The following BPIFB4 variants were observed in gnomAD, a reference collection of about 807,000 sequenced individuals.
The protein encoded by BPIFB4 is BPI fold-containing family B member 4.
In BPIFB4, 62 loss-of-function variants were observed where a neutral mutation model predicts 69.2. The ratio of observed to expected loss-of-function variants is 0.90; its 90% CI spans 0.73 to 1.11. The LOEUF (loss-of-function observed/expected upper bound fraction) is 1.11. Ranked by LOEUF, BPIFB4 falls within the 50% of genes least tolerant of loss-of-function variation. The pLI is 0.00. For synonymous variants in BPIFB4, 330 were observed against 332.7 expected (o/e 0.99, Z 0.09); for missense variants, 789 against 792.0 (o/e 1.00, Z 0.04).
At position 33,083,484 on chromosome 20, in the gene BPIFB4, C is replaced by T. The variant is rs781449221; in HGVS notation, c.287C>T (p.Thr96Ile). Residue 96 changes from threonine (T) to isoleucine (I), a missense_variant, in exon 5 of 18, where the codon ACT becomes ATT. By Grantham distance (89) the Thr-to-Ile change is moderately conservative (BLOSUM62 -1). Coordinates refer to ENST00000375483, the MANE Select transcript of BPIFB4 (RefSeq NM_182519.3). ...GGTCACATTGAGACCAACGACAACA[C>T]TGCTCAGCTGGGGGGCAAATACCGA... is the stretch of plus-strand genomic sequence containing the variant. ...QYGHIETNDN[T>I]AQLGGKYRYG... The T allele has an allele frequency of 3.1e-6, 5 of 1,613,816 alleles. No homozygotes were observed. Among genetic ancestry groups the T allele is most frequent in the Non-Finnish European group, 4.2e-6 (5 of 1,179,974 alleles).
intron 17 of BPIFB4, among the ~76,000 whole-genome samples, chr20:33,109,338 G>A (rs1982169772): frequency 6.6e-6 from 1 of 152,132 alleles, no homozygotes; most frequent in Non-Finnish European, 1.5e-5. Context: ...GAGATGTTCA[G>A]TGCCCCATAC....
chr20:33,095,328 C>T (rs781226486), intron 12 of BPIFB4, among the ~76,000 whole-genome samples, 175 bp downstream of exon 12: 8 of 152,022 alleles, frequency 5.3e-5, no homozygotes, highest in Admixed American at 1.3e-4. Context: ...TGGGTGGGGG[C>T]GGGGGAAGAC....
At chr20:33,089,643 C>T (rs1981540377) in intron 9 of BPIFB4, 85 bp downstream of exon 9, 2 of 1,604,474 alleles carry the variant, frequency 1.2e-6, no homozygotes, top group South Asian at 1.1e-5. Flanking sequence ...TGGTGGGGGC[C>T]ACAGACCTGC....
intron 3 of BPIFB4, among the ~76,000 whole-genome samples, 198 bp downstream of exon 3, chr20:33,081,830 A>G (rs936625113): frequency 6.6e-6 from 1 of 152,212 alleles, no homozygotes; most frequent in Non-Finnish European, 1.5e-5. Context: ...CAAGCACCAT[A>G]CTGGTGACTT....
chr20:33,099,597 C>T (rs1253081672), intron 13 of BPIFB4, among the ~76,000 whole-genome samples: 1 of 152,182 alleles, frequency 6.6e-6, no homozygotes, highest in East Asian at 1.9e-4. Flanking sequence ...TCTCTAATGC[C>T]AACCTCTTCC....
chr20:33,084,461 CTA>C (rs1981357120), intron 5 of BPIFB4, among the ~76,000 whole-genome samples: 1 of 152,194 alleles, frequency 6.6e-6, no homozygotes, highest in Non-Finnish European at 1.5e-5. Context: ...GTAAGAATCT[CTA>C]TAACGGGGCA....
chr20:33,100,278 G>A, intron 13 of BPIFB4, 148 bp from the exon 14 acceptor site: 1 of 588,590 alleles, frequency 1.7e-6, no homozygotes, highest in East Asian at 2.6e-5. Context: ...CTTATAAAAG[G>A]AGGTCTGACC....
Position 33,092,500 on chromosome 20 carries a change from T to C in BPIFB4, c.1186T>C (p.Leu396=), listed in dbSNP as rs779945261. The C allele has an allele frequency of 5.3e-5, 86 of 1,613,918 alleles. No individual in the cohort carries two copies. In the East Asian group the frequency reaches 6.5e-4, roughly 12 times the overall value. The stretch of plus-strand genomic sequence containing the variant: ...TGGAGGAGGACTCATCGACTACCCA[T>C]TGGGGTGGCCAGCTGTGTCTCCCAA... ...EAGGGLIDYP[L]GWPAVSPKPM... Residue 396 remains leucine (L), a synonymous_variant, in exon 11 of 18, where the codon TTG becomes CTG. Transcript: ENST00000375483.
intron 12 of BPIFB4, among the ~76,000 whole-genome samples, chr20:33,096,533 C>A (rs1981758977): frequency 6.6e-6 from 1 of 152,206 alleles, no homozygotes; most frequent in Non-Finnish European, 1.5e-5. Context: ...CCTCGGCCTC[C>A]CAAAGTGCTG....
intron 16 of BPIFB4, among the ~76,000 whole-genome samples, chr20:33,105,898 CT>C (rs1408422109): frequency 1.3e-5 from 2 of 152,122 alleles, no homozygotes; most frequent in African/African-American, 4.8e-5. Flanking sequence ...GGGGGCGAGT[CT>C]TTTAATCATA....
intron 11 of BPIFB4, 70 bp downstream of exon 11, chr20:33,092,728 C>A: frequency 7.0e-7 from 1 of 1,438,352 alleles, no homozygotes; most frequent in Non-Finnish European, 9.6e-7. Flanking sequence ...TCTCAGTCTC[C>A]ACAGACTTGG....
At chr20:33,098,619 C>A (rs891585519) in intron 13 of BPIFB4, among the ~76,000 whole-genome samples, 1 of 151,956 alleles carries the variant, frequency 6.6e-6, no homozygotes, top group Admixed American at 6.6e-5. Context: ...GTGGCACACA[C>A]CTGTAGTCCC....
chr20:33,097,266 G>A (rs553232793), intron 12 of BPIFB4, among the ~76,000 whole-genome samples: 5 of 152,234 alleles, frequency 3.3e-5, no homozygotes, highest in South Asian at 4.2e-4. Flanking sequence ...ATACCCCATG[G>A]GTTGTTGTAA....
chr20:33,083,022 G>T (rs761964968), intron 4 of BPIFB4, 22 bp downstream of exon 4: 1 of 1,603,404 alleles, frequency 6.2e-7, no homozygotes, highest in Non-Finnish European at 8.5e-7. Context: ...GGTGATGGTG[G>T]TGGGCCTCTC....
At position 33,085,065 on chromosome 20, in the gene BPIFB4, G is replaced by A; in HGVS notation, c.782+69G>A. Reference sequence around the variant, plus strand: ...CCAACCTCTGTATCCATAACACAGAGGCTAGGAAGACCTAAACTTCTGCCA... The same window carrying A: ...CCAACCTCTGTATCCATAACACAGAAGCTAGGAAGACCTAAACTTCTGCCA... On this transcript the variant is annotated intron_variant, in intron 6 of 17. Transcript: ENST00000375483. 4 of 1,549,340 alleles carry A rather than the reference G, an allele frequency of 2.6e-6. 1 individual carries two copies. The highest frequency in any genetic ancestry group is 2.4e-5 in the South Asian group (2 of 84,740).
intron 11 of BPIFB4, among the ~76,000 whole-genome samples, chr20:33,093,552 T>A (rs111072911): frequency 1.4e-4 from 13 of 90,478 alleles, no homozygotes; most frequent in South Asian, 3.8e-4. Flanking sequence ...CCACCCATCC[T>A]TCCATCAACC....
At chr20:33,108,423 C>CTATATA (rs756747954) in intron 17 of BPIFB4, among the ~76,000 whole-genome samples, 12 of 125,704 alleles carry the variant, frequency 9.5e-5, no homozygotes, top group Admixed American at 2.6e-4. Flanking sequence ...ATATATATGT[C>CTATATA]TATATATATA....
chr20:33,107,781 C>T lies in BPIFB4; in HGVS notation c.1782C>T (p.Leu594=). 1 of 1,614,148 alleles carries T rather than the reference C, an allele frequency of 6.2e-7. No individual in the cohort carries two copies. Among genetic ancestry groups the T allele is most frequent in the Non-Finnish European group, 8.5e-7 (1 of 1,179,994 alleles). ...LGSGVPLPKI[L]NIDFSNADID... ...CTGGCGTCCCTCTCCCCAAAATCCT[C>T]AACATCGACTTTAGCAATGCAGACA... Residue 594 remains leucine, a synonymous_variant, in exon 17 of 18, where the codon CTC becomes CTT. Coordinates refer to ENST00000375483, the MANE Select transcript of BPIFB4 (RefSeq NM_182519.3).
chr20:33,100,502 C>T lies in BPIFB4; in HGVS notation c.1637+9C>T, dbSNP rs759089518. 1.9e-6 allele frequency: 3 copies of T among 1,605,668 alleles called. No homozygotes were observed. In the South Asian group the frequency reaches 3.3e-5, roughly 18 times the overall value. ...GATGCCAAGCTGGAGAAGTAAGGGG[C>T]TATGCTGCCTTGGGGTCCTGACGGT... On this transcript the variant is annotated intron_variant, in intron 14 of 17. Coordinates refer to ENST00000375483, the MANE Select transcript of BPIFB4 (RefSeq NM_182519.3).
Sources: gnomAD v4.1 joint callset for allele counts (sites outside exome capture counted in the v4.1 genomes callset) on GRCh38, gnomAD v4.1.1 for gene constraint, MANE v1.5 for transcripts, NCBI Gene and HGNC (gene_info 2026-07-23, HGNC 2026-07-21) for gene names.